Variants in AGO2 observed in about 807,000 individuals in gnomAD.
The protein encoded by AGO2 is protein argonaute-2.
A neutral mutation model predicts 102.3 loss-of-function variants in AGO2; 5 were observed. That is an observed-to-expected ratio of 0.05 (90% CI 0.03 to 0.10). AGO2 has a LOEUF of 0.10. Ranked by LOEUF, AGO2 falls within the 10% of genes least tolerant of loss-of-function variation. The pLI is 1.00. For synonymous variants in AGO2, 449 were observed against 473.1 expected (o/e 0.95, Z 0.66); for missense variants, 541 against 1,183.7 (o/e 0.46, Z 7.97).
intron 1 of AGO2, among the ~76,000 whole-genome samples, chr8:140,630,827 C>G (rs563387050): frequency 2.0e-5 from 3 of 152,250 alleles, no homozygotes; most frequent in South Asian, 2.1e-4. Context: ...ACTCAAGATG[C>G]AAAGGGACCT....
intron 1 of AGO2, among the ~76,000 whole-genome samples, chr8:140,632,365 T>C (rs1453197012): frequency 6.6e-6 from 1 of 152,208 alleles, no homozygotes; most frequent in African/African-American, 2.4e-5. Flanking sequence ...GCACCAGTAT[T>C]GGGAGAAGTG....
chr8:140,597,050 G>C (rs2073855872), intron 1 of AGO2, among the ~76,000 whole-genome samples: 1 of 152,148 alleles, frequency 6.6e-6, no homozygotes, highest in African/African-American at 2.4e-5. Flanking sequence ...GAAGACTAAA[G>C]CCACAAAATG....
upstream of AGO2, among the ~76,000 whole-genome samples, chr8:140,638,764 C>T (rs867457383): frequency 6.6e-6 from 1 of 152,086 alleles, no homozygotes; most frequent in Middle Eastern, 3.2e-3. Flanking sequence ...TTTGTAGAGA[C>T]AGGTCTCACT....
At chr8:140,593,458 C>T (rs2073774670) in intron 1 of AGO2, among the ~76,000 whole-genome samples, 1 of 150,968 alleles carries the variant, frequency 6.6e-6, no homozygotes, top group Non-Finnish European at 1.5e-5. Context: ...TCCCAAAGTG[C>T]TGGGATTACA....
At chr8:140,535,261 T>G (rs1390818795) in intron 17 of AGO2, 1 of 583,736 alleles carries the variant, frequency 1.7e-6, no homozygotes, top group African/African-American at 1.9e-5. Flanking sequence ...ACTTCCTTTT[T>G]CTGGGAGGCT....
At chr8:140,627,241 T>C (rs2074290586) in intron 1 of AGO2, among the ~76,000 whole-genome samples, 1 of 151,690 alleles carries the variant, frequency 6.6e-6, no homozygotes, top group Admixed American at 6.6e-5. Flanking sequence ...CACCCTCGAG[T>C]CCTCCAACCG....
In AGO2 at chr8:140,537,964, G is replaced by A. The variant is rs576952477; in HGVS notation, c.2169+1356C>T. ...CTCCCGAGTACCTGGGACTACAGGC[G>A]CCCGCCACCACGCCTGGGTAATTTT... On this transcript the variant is annotated intron_variant, in intron 16 of 18. Transcript: ENST00000220592. Among the ~76,000 whole-genome samples the A allele has an allele frequency of 1.1e-3, 163 of 152,132 alleles. 1 individual carries two copies. The highest frequency in any genetic ancestry group is 3.7e-3 in the African/African-American group (152 of 41,502).
upstream of AGO2, chr8:140,636,893 T>C (rs949367712): frequency 2.6e-5 from 4 of 152,258 alleles, no homozygotes; most frequent in African/African-American, 9.7e-5. Context: ...AGTGTGCTCA[T>C]ATTCACAGGA....
intron 1 of AGO2, among the ~76,000 whole-genome samples, chr8:140,607,529 C>T (rs941183737): frequency 2.4e-5 from 3 of 127,518 alleles, no homozygotes; most frequent in African/African-American, 5.9e-5. Flanking sequence ...CACACACACA[C>T]GTATGGAAAA....
intron 1 of AGO2, among the ~76,000 whole-genome samples, chr8:140,616,185 A>G (rs1301430474): frequency 6.6e-6 from 1 of 152,156 alleles, no homozygotes; most frequent in African/African-American, 2.4e-5. Context: ...CCGCCATCCC[A>G]TCTGTACCCT....
chr8:140,629,890 G>A (rs1352110447), intron 1 of AGO2, among the ~76,000 whole-genome samples: 2 of 146,796 alleles, frequency 1.4e-5, no homozygotes, highest in East Asian at 2.0e-4. Context: ...GGGAAGAGGA[G>A]GGGAGGGGAG....
intron 3 of AGO2, among the ~76,000 whole-genome samples, chr8:140,565,082 C>T (rs76737680): frequency 5.3e-5 from 8 of 151,382 alleles, no homozygotes; most frequent in African/African-American, 1.7e-4. Flanking sequence ...TGCAGTGAGC[C>T]GAGATCGCAC....
At position 140,549,174 on chromosome 8, in the gene AGO2, T is replaced by C; in HGVS notation, c.1528A>G (p.Asn510Asp). Residue 510 changes from asparagine (N) to aspartate (D), a missense_variant, in exon 12 of 19, where the codon AAC (asparagine) becomes GAC (aspartate). Physicochemically the swap from Asn to Asp is conservative, Grantham distance 23 (BLOSUM62 1). Coordinates refer to ENST00000220592, the MANE Select transcript of AGO2 (RefSeq NM_012154.5). ...ACCAGCTGCAGGCCCGCATACGTGT[T>C]CTTCAGGTGCCGGAACATGGGCTCC... is the stretch of plus-strand genomic sequence containing the variant. ...SVEPMFRHLK[N>D]TYAGLQLVVV... 6.2e-7 allele frequency: 1 copy of C among 1,613,604 alleles called. No homozygotes were observed. The highest frequency in any genetic ancestry group is 8.5e-7 in the Non-Finnish European group (1 of 1,179,878).
chr8:140,548,369 C>T (rs1017443799), intron 12 of AGO2, among the ~76,000 whole-genome samples: 13 of 151,084 alleles, frequency 8.6e-5, no homozygotes, highest in South Asian at 2.1e-4. Context: ...CACACCACGG[C>T]GCCCTGGCTG....
At chr8:140,606,674 T>C (rs1209043554) in intron 1 of AGO2, among the ~76,000 whole-genome samples, 3 of 152,270 alleles carry the variant, frequency 2.0e-5, no homozygotes, top group Non-Finnish European at 4.4e-5. Flanking sequence ...CGGTGGCTCA[T>C]GCCTGTAATC....
chr8:140,639,334 A>C (rs1269346948), upstream of AGO2, among the ~76,000 whole-genome samples: 1 of 152,202 alleles, frequency 6.6e-6, no homozygotes, highest in Non-Finnish European at 1.5e-5. Context: ...ACAAAAAATT[A>C]GCTGGTTGTG....
intron 17 of AGO2, among the ~76,000 whole-genome samples, chr8:140,533,122 G>A (rs560664336): frequency 6.6e-6 from 1 of 151,948 alleles, no homozygotes; most frequent in African/African-American, 2.4e-5. Context: ...GGGCCCGGTG[G>A]CTCACACCTG....
intron 2 of AGO2, among the ~76,000 whole-genome samples, chr8:140,576,276 T>C (rs1011446511): frequency 1.3e-5 from 2 of 152,186 alleles, no homozygotes; most frequent in Non-Finnish European, 2.9e-5. Context: ...ATTGTGCCAC[T>C]GCACTCCAGC....
intron 16 of AGO2, among the ~76,000 whole-genome samples, chr8:140,537,330 T>TC (rs1220921933): frequency 6.6e-6 from 1 of 151,954 alleles, no homozygotes; most frequent in Non-Finnish European, 1.5e-5. Flanking sequence ...TCTTTTCTTT[T>TC]TTTTTTTTTA....
Sources: allele counts gnomAD v4.1 joint callset (sites outside exome capture counted in the v4.1 genomes callset), GRCh38; gene constraint gnomAD v4.1.1; transcripts MANE v1.5; gene names NCBI Gene and HGNC (gene_info 2026-07-23, HGNC 2026-07-21).